Variants in ZNRF1 observed in about 807,000 individuals in gnomAD.
ZNRF1 encodes zinc and ring finger 1, also known as E3 ubiquitin-protein ligase ZNRF1.
ZNRF1 carries 3 observed loss-of-function variants against 18.4 expected under a neutral mutation model. The observed-to-expected ratio is 0.16, with a 90% CI of 0.07 to 0.42. The LOEUF (loss-of-function observed/expected upper bound fraction) is 0.42. Ranked by LOEUF, ZNRF1 falls within the 10% of genes least tolerant of loss-of-function variation. The probability of loss-of-function intolerance (pLI) is 0.99; values close to 1 mark genes in which losing one functional copy is unlikely to be tolerated. For synonymous variants in ZNRF1, 157 were observed against 144.2 expected (o/e 1.09, Z -0.64); for missense variants, 310 against 329.8 (o/e 0.94, Z 0.47).
intron 1 of ZNRF1, among the ~76,000 whole-genome samples, chr16:75,076,901 C>T (rs910605647): frequency 3.3e-5 from 5 of 151,946 alleles, no homozygotes; most frequent in African/African-American, 9.7e-5. Context: ...CTTTGCAAAT[C>T]AGGGAGAGGC....
chr16:75,102,939 T>G (rs993135769), intron 2 of ZNRF1, among the ~76,000 whole-genome samples: 1 of 152,208 alleles, frequency 6.6e-6, no homozygotes, highest in Non-Finnish European at 1.5e-5. Flanking sequence ...CACAAGGCTG[T>G]TCCCTGTGCC....
chr16:75,031,443 T>A (rs1035226439), intron 1 of ZNRF1, among the ~76,000 whole-genome samples: 10 of 152,136 alleles, frequency 6.6e-5, no homozygotes, highest in Admixed American at 5.9e-4. Flanking sequence ...CAAATTTTTG[T>A]GTAGACATTT....
Position 75,099,358 on chromosome 16 carries a change from C to T in ZNRF1, c.521-5426C>T, listed in dbSNP as rs1049594208. On this transcript the variant is annotated intron_variant, in intron 2 of 4. Transcript: ENST00000335325. The stretch of plus-strand genomic sequence containing the variant: ...CTGTCAGAAGCACCGTGCCTGGATC[C>T]CAGGGAGGGAGCAGAAGATGCCACC... Among the ~76,000 whole-genome samples the T allele has an allele frequency of 2.6e-5, 4 of 152,108 alleles. No homozygotes were observed. The South Asian group carries it at 6.2e-4, about 24-fold the overall frequency.
rs138665494 is a variant in ZNRF1 at position 75,010,872 on chromosome 16, G to A, written c.424+10777G>A. ...ATTACAGGCATGTGCCACCACAGCC[G>A]GCTAATTTTGTACTTTTAGTAGAGA... On this transcript the variant is annotated intron_variant, in intron 1 of 4. Coordinates refer to ENST00000335325, the MANE Select transcript of ZNRF1 (RefSeq NM_032268.5). 1.2e-3 allele frequency among the ~76,000 whole-genome samples: 183 copies of A among 152,066 alleles called. 2 individuals are homozygous for A. Among genetic ancestry groups the A allele is most frequent in the African/African-American group, 4.2e-3 (174 of 41,506 alleles).
chr16:75,094,317 A>C (rs1388534873), intron 2 of ZNRF1, among the ~76,000 whole-genome samples: 1 of 152,150 alleles, frequency 6.6e-6, no homozygotes, highest in Non-Finnish European at 1.5e-5. Context: ...CCGAACAGTG[A>C]ATACCGCAGA....
chr16:75,023,136 G>A (rs1374307584), intron 1 of ZNRF1, among the ~76,000 whole-genome samples: 2 of 152,176 alleles, frequency 1.3e-5, no homozygotes, highest in African/African-American at 4.8e-5. Context: ...TTTGTGAGGT[G>A]ACTGGAGAAA....
rs1363534520 is a variant in ZNRF1 at position 75,110,064 on chromosome 16, A to G, written c.*2364A>G. 1 of 152,340 alleles carries G rather than the reference A, an allele frequency of 6.6e-6. No homozygotes were observed. The highest frequency in any genetic ancestry group is 1.5e-5 in the Non-Finnish European group (1 of 68,130). The allele number at this position is 152,340 out of a possible 1,614,324, so 9.4% of individuals were successfully genotyped here. On this transcript the variant is annotated 3_prime_UTR_variant, in exon 5 of 5. Coordinates refer to ENST00000335325, the MANE Select transcript of ZNRF1 (RefSeq NM_032268.5). ...GCCATGGGTGAGCCGAGCAGCTGTG[A>G]GGTGGGTGGGGCAGGGCTGTAGCCC...
rs2145435624 is a variant in ZNRF1, at chr16:75,109,234, T to A, written c.*1534T>A. ...CTCAGGCTCACAAAAGTTGGCAAAA[T>A]GCGGGCTGGGCAGGCAGCTCGGGGC... On this transcript the variant is annotated 3_prime_UTR_variant, in exon 5 of 5. Coordinates refer to ENST00000335325, the MANE Select transcript of ZNRF1 (RefSeq NM_032268.5). The A allele has an allele frequency of 6.5e-6, 1 of 152,764 alleles. No homozygotes were observed. The highest frequency in any genetic ancestry group is 1.9e-4 in the East Asian group (1 of 5,202). 9.5% of individuals were successfully genotyped at this position (152,764 alleles called of 1,614,324 possible).
intron 1 of ZNRF1, among the ~76,000 whole-genome samples, chr16:75,010,690 T>G (rs1361590968): frequency 6.8e-6 from 1 of 147,504 alleles, no homozygotes; most frequent in Non-Finnish European, 1.5e-5. Context: ...TAGTCACCTC[T>G]GTACTGTACT....
At chr16:75,081,636 C>T (rs1420482570) in intron 1 of ZNRF1, among the ~76,000 whole-genome samples, 1 of 152,068 alleles carries the variant, frequency 6.6e-6, no homozygotes, top group African/African-American at 2.4e-5. Context: ...TGCAGTGTGT[C>T]GGCGGTGGAA....
intron 1 of ZNRF1, among the ~76,000 whole-genome samples, chr16:75,042,668 C>G (rs893960921): frequency 1.3e-5 from 2 of 152,112 alleles, no homozygotes; most frequent in Admixed American, 6.6e-5. Context: ...AGTGTACAGT[C>G]TCCATTTTTG....
At chr16:75,009,841 T>A (rs1258840042) in intron 1 of ZNRF1, among the ~76,000 whole-genome samples, 1 of 152,130 alleles carries the variant, frequency 6.6e-6, no homozygotes, top group Non-Finnish European at 1.5e-5. Flanking sequence ...TCTTAATGGA[T>A]GTGAGGTAGT....
At chr16:75,063,262 G>C (rs2035764547) in intron 1 of ZNRF1, among the ~76,000 whole-genome samples, 1 of 152,182 alleles carries the variant, frequency 6.6e-6, no homozygotes, top group Non-Finnish European at 1.5e-5. Context: ...GAAAGCCCCA[G>C]GTCATTCCTC....
chr16:74,999,854 C>T lies in ZNRF1; in HGVS notation c.183C>T (p.Pro61=), dbSNP rs554528570. The change falls in exon 1 of 5, where the codon CCC becomes CCT. Residue 61 remains proline (P), a synonymous_variant. Transcript: ENST00000335325. ...CGGTGGCAGGCATGGGCATGGACCC[C>T]AGCACGGCCGGGGGGGTGCCCTTTG... ...VSSVAGMGMD[P]STAGGVPFGL... is the part of the protein sequence containing the mutation. The T allele has an allele frequency of 5.2e-5, 78 of 1,507,382 alleles. No individual in the cohort carries two copies. In the African/African-American group the frequency reaches 9.1e-4, roughly 18 times the overall value. 93.4% of individuals were successfully genotyped at this position (1,507,382 alleles called of 1,614,324 possible).
intron 1 of ZNRF1, among the ~76,000 whole-genome samples, chr16:75,080,909 C>T (rs2036003163): frequency 1.3e-5 from 2 of 151,920 alleles, no homozygotes; most frequent in East Asian, 1.9e-4. Flanking sequence ...TGCAGTGGCT[C>T]ACACCTGTAA....
chr16:75,076,453 C>G (rs777211703), intron 1 of ZNRF1, among the ~76,000 whole-genome samples: 10 of 152,026 alleles, frequency 6.6e-5, no homozygotes, highest in Non-Finnish European at 1.3e-4. Context: ...CTCTTTTCTT[C>G]TCTTCCCTAA....
At chr16:75,078,466 CTT>C (rs2035970842) in intron 1 of ZNRF1, among the ~76,000 whole-genome samples, 1 of 151,950 alleles carries the variant, frequency 6.6e-6, no homozygotes, top group South Asian at 2.1e-4. Context: ...GCCCGGCTAA[CTT>C]TTGTATTTTT....
At chr16:75,017,416 A>G (rs2035086724) in intron 1 of ZNRF1, among the ~76,000 whole-genome samples, 1 of 152,230 alleles carries the variant, frequency 6.6e-6, no homozygotes, top group African/African-American at 2.4e-5. Flanking sequence ...GACTTACAGA[A>G]AAGTTGCAGA....
chr16:75,098,324 AGTGG>A (rs2036222284), intron 2 of ZNRF1, among the ~76,000 whole-genome samples: 1 of 152,234 alleles, frequency 6.6e-6, no homozygotes, highest in Non-Finnish European at 1.5e-5. Flanking sequence ...AGGGAGCTGT[AGTGG>A]CCTCAGTAGG....
Sources: allele counts gnomAD v4.1 joint callset (sites outside exome capture counted in the v4.1 genomes callset), GRCh38; gene constraint gnomAD v4.1.1; transcripts MANE v1.5; gene names NCBI Gene and HGNC (gene_info 2026-07-23, HGNC 2026-07-21).